Variants in LCN1 observed in about 807,000 individuals in gnomAD.
LCN1 encodes lipocalin-1.
LCN1 carries 25 observed loss-of-function variants against 22.3 expected under a neutral mutation model. That is an observed-to-expected ratio of 1.12 (90% CI 0.82 to 1.56). The LOEUF (loss-of-function observed/expected upper bound fraction) is 1.56. Ranked by LOEUF, LCN1 falls within the 40% of genes most tolerant of loss-of-function variation. The pLI is 0.00. For synonymous variants in LCN1, 85 were observed against 97.6 expected (o/e 0.87, Z 0.76); for missense variants, 219 against 235.6 (o/e 0.93, Z 0.46).
Position 135,523,269 on chromosome 9 carries a change from G to A in LCN1, c.259G>A (p.Glu87Lys), listed in dbSNP as rs188890815. Reference protein sequence around the residue: ...GRCQEVKAVLEKTDEPGKYTA... With the variant: ...GRCQEVKAVLKKTDEPGKYTA... ...GTGCCAGGAGGTGAAGGCCGTCCTG[G>A]AGAAAACTGACGAGCCGGGAAAATA... is the stretch of plus-strand genomic sequence containing the variant. The change falls in exon 3 of 7, where the codon GAG becomes AAG. Residue 87 changes from glutamate to lysine, a missense_variant. Coordinates refer to ENST00000371781, the MANE Select transcript of LCN1 (RefSeq NM_002297.4). The A allele has an allele frequency of 6.2e-7, 1 of 1,612,888 alleles. No individual in the cohort carries two copies. The highest frequency in any genetic ancestry group is 1.7e-5 in the Admixed American group (1 of 59,984).
In LCN1 at chr9:135,526,482, C is replaced by A. The variant is rs951033379; in HGVS notation, c.*140C>A. 7.8e-7 allele frequency: 1 copy of A among 1,280,664 alleles called. No individual in the cohort carries two copies. The highest frequency in any genetic ancestry group is 1.3e-5 in the South Asian group (1 of 79,850). 79.3% of individuals were successfully genotyped at this position (1,280,664 alleles called of 1,614,324 possible). ...CCCCTTCCTACCACCCCCCGCCTTC[C>A]CCCTGCCCTGCGCCCCCTCTCCTGG... On this transcript the variant is annotated 3_prime_UTR_variant, in exon 7 of 7. Transcript: ENST00000371781.
chr9:135,521,993 G>T (rs1482073070), intron 1 of LCN1, 54 bp from the exon 2 acceptor site: 4 of 1,575,970 alleles, frequency 2.5e-6, no homozygotes, highest in Non-Finnish European at 2.6e-6. Context: ...GGCCAGGGAA[G>T]GGGGAGGCTC....
rs144161694 is a variant in LCN1 at position 135,523,303 on chromosome 9, G to C, written c.292+1G>C. 3.1e-6 allele frequency: 5 copies of C among 1,612,594 alleles called. No individual in the cohort carries two copies. The highest frequency in any genetic ancestry group is 4.2e-6 in the Non-Finnish European group (5 of 1,179,534). Reference sequence around the variant, plus strand: ...GACGAGCCGGGAAAATACACGGCCGGTGAGTCCCGGGGCCTGAGCCAGAGC... The same window carrying C: ...GACGAGCCGGGAAAATACACGGCCGCTGAGTCCCGGGGCCTGAGCCAGAGC... On this transcript the variant is annotated splice_donor_variant, in intron 3 of 6. Coordinates refer to ENST00000371781, the MANE Select transcript of LCN1 (RefSeq NM_002297.4). LOFTEE classifies it high-confidence loss of function.
chr9:135,524,786 C>A (rs372254934), intron 4 of LCN1, 44 bp from the exon 5 acceptor site: 1 of 1,490,078 alleles, frequency 6.7e-7, no homozygotes, highest in Non-Finnish European at 9.2e-7. Context: ...TGCCGTCGGC[C>A]CAGTGCTGCC....
At chr9:135,521,707 C>A in intron 1 of LCN1, 120 bp downstream of exon 1, 1 of 786,852 alleles carries the variant, frequency 1.3e-6, no homozygotes, top group Non-Finnish European at 1.9e-6. Context: ...CATTCAAGCC[C>A]TGCCCTGAGG....
Position 135,523,970 on chromosome 9 carries a change from T to C in LCN1, c.383T>C (p.Val128Ala), listed in dbSNP as rs781504134. 2.5e-6 allele frequency: 4 copies of C among 1,613,984 alleles called. No homozygotes were observed. The highest frequency in any genetic ancestry group is 2.5e-6 in the Non-Finnish European group (3 of 1,179,926). Residue 128 changes from valine to alanine, a missense_variant, in exon 4 of 7, where the codon GTC becomes GCC. Physicochemically the swap from Val to Ala is moderately conservative, Grantham distance 64 (BLOSUM62 0). Transcript: ENST00000371781. ...YCEGELHGKP[V>A]RGVKLVGRDP... ...GAGGGCGAGCTGCACGGGAAGCCGG[T>C]CCGAGGGGTGAAGCTCGTGGGTGGG... is the stretch of plus-strand genomic sequence containing the variant.
chr9:135,523,183 G>A (rs1831541708), intron 2 of LCN1, 49 bp from the exon 3 acceptor site: 2 of 1,567,606 alleles, frequency 1.3e-6, no homozygotes, highest in African/African-American at 2.7e-5. Flanking sequence ...TCCAGGGCCG[G>A]GGGAGGCACA....
chr9:135,521,630 C>A, intron 1 of LCN1, 43 bp downstream of exon 1: 1 of 1,509,820 alleles, frequency 6.6e-7, no homozygotes, highest in South Asian at 1.2e-5. Flanking sequence ...GGGCAAGGGG[C>A]GAGGCTGAGA....
intron 2 of LCN1, among the ~76,000 whole-genome samples, chr9:135,523,002 C>T (rs1302531677): frequency 1.3e-5 from 2 of 152,202 alleles, no homozygotes; most frequent in South Asian, 2.1e-4. Flanking sequence ...GGAAGGCAGC[C>T]ACCAGGAGGA....
At chr9:135,525,049 G>C in intron 5 of LCN1, 83 bp from the exon 6 acceptor site, 2 of 1,562,952 alleles carry the variant, frequency 1.3e-6, no homozygotes, top group Non-Finnish European at 1.8e-6. Flanking sequence ...TTCCTGGGGT[G>C]GTGGAGCTGG....
intron 3 of LCN1, 133 bp from the exon 4 acceptor site, chr9:135,523,747 G>C: frequency 2.7e-6 from 2 of 732,260 alleles, no homozygotes; most frequent in Middle Eastern, 3.5e-4. Flanking sequence ...GGGAACCTGG[G>C]TCAGGGAGCT....
At chr9:135,525,047 G>A (rs766084558) in intron 5 of LCN1, 85 bp from the exon 6 acceptor site, 8 of 1,567,346 alleles carry the variant, frequency 5.1e-6, no homozygotes, top group African/African-American at 1.4e-5. Flanking sequence ...CCTTCCTGGG[G>A]TGGTGGAGCT....
intron 2 of LCN1, 22 bp downstream of exon 2, chr9:135,522,199 G>A (rs371208614): frequency 3.2e-5 from 52 of 1,602,882 alleles, no homozygotes; most frequent in African/African-American, 1.5e-4. Context: ...CCAGCCGGCC[G>A]GGCAGCCTGC....
intron 4 of LCN1, 65 bp from the exon 5 acceptor site, chr9:135,524,765 C>T (rs1220842978): frequency 5.3e-6 from 7 of 1,311,452 alleles, no homozygotes; most frequent in African/African-American, 1.5e-5. Context: ...GGCCTCCAGA[C>T]TGGGATGGGG....
At chr9:135,526,322 C>CTCACCCTCCCCCCTT (rs770681104) in intron 6 of LCN1, 22 bp from the exon 7 acceptor site, 1 of 1,219,974 alleles carries the variant, frequency 8.2e-7, no homozygotes, top group South Asian at 1.4e-5. Flanking sequence ...CCTGGCCTCA[C>CTCACCCTCCCCCCTT]TCACCCTCCC....
chr9:135,525,223 A>G (rs1367032653), intron 6 of LCN1, 65 bp downstream of exon 6: 21 of 1,528,860 alleles, frequency 1.4e-5, no homozygotes, highest in Non-Finnish European at 1.9e-5. Context: ...GTGCTTCCAG[A>G]GGCCATGGGG....
intron 6 of LCN1, among the ~76,000 whole-genome samples, chr9:135,526,138 G>T (rs1831641688): frequency 1.3e-5 from 1 of 76,658 alleles, no homozygotes; most frequent in Non-Finnish European, 2.5e-5. Context: ...AGCCTGCTGT[G>T]CCCCCCACAC....
rs1234317404 is a variant in LCN1, at chr9:135,523,238, T to C, written c.228T>C (p.Ser76=). The C allele has an allele frequency of 1.9e-6, 3 of 1,610,640 alleles. No individual in the cohort carries two copies. The Admixed American group carries it at 5.0e-5, about 27-fold the overall frequency. The change falls in exon 3 of 7, where the codon AGT becomes AGC. Residue 76 remains serine (S), a synonymous_variant. Coordinates refer to ENST00000371781, the MANE Select transcript of LCN1 (RefSeq NM_002297.4). ...NLEAKVTMLI[S]GRCQEVKAVL... is the part of the protein sequence containing the mutation. ...GGGGGCTTCTGTTTTCCAGGATAAGTGGCCGGTGCCAGGAGGTGAAGGCCG... is the reference window on the plus strand; with the variant it reads ...GGGGGCTTCTGTTTTCCAGGATAAGCGGCCGGTGCCAGGAGGTGAAGGCCG...
In LCN1 at chr9:135,525,108, C is replaced by T. The variant is rs754608924; in HGVS notation, c.506-24C>T. 68 of 1,612,600 alleles carry T rather than the reference C, an allele frequency of 4.2e-5. No individual in the cohort carries two copies. The Admixed American group carries it at 5.4e-4, about 13-fold the overall frequency. On this transcript the variant is annotated intron_variant, in intron 5 of 6. Transcript: ENST00000371781. The stretch of plus-strand genomic sequence containing the variant: ...TGACTGCATTCCTGGGGTCTCCTAA[C>T]GCCTGTGCTTCCTTTTCCTGCAGAA...
Sources: gnomAD v4.1 joint callset for allele counts (sites outside exome capture counted in the v4.1 genomes callset) on GRCh38, gnomAD v4.1.1 for gene constraint, MANE v1.5 for transcripts, NCBI Gene and HGNC (gene_info 2026-07-23, HGNC 2026-07-21) for gene names.